Variants in BCL11A observed in about 807,000 individuals in gnomAD.
BCL11A encodes the protein BCL11 transcription factor A, also known as B cell CLL/lymphoma 11A.
A neutral mutation model predicts 55.9 loss-of-function variants in BCL11A; 2 were observed. The ratio of observed to expected loss-of-function variants is 0.04; its 90% CI spans 0.01 to 0.11. The LOEUF is 0.11. Among genes scored for constraint, BCL11A ranks in the 10% least tolerant of loss-of-function variants. BCL11A has a pLI of 1.00. For missense variants in BCL11A, 817 were observed against 1,137.1 expected (o/e 0.72, Z 4.05); for synonymous variants, 465 against 473.4 (o/e 0.98, Z 0.23).
chr2:60,451,798 T>C (rs1052331644), exon 5 of BCL11A: 1 of 230,064 alleles, frequency 4.3e-6, no homozygotes, highest in Non-Finnish European at 8.6e-6. Flanking sequence ...ACCAAAAGCA[T>C]ATATTTGAAA....
At position 60,468,782 on chromosome 2, in the gene BCL11A, G is replaced by A; in HGVS notation, c.437C>T (p.Ala146Val). Reference protein sequence around the residue: ...GLSSPRSAHGALIPTPGMSAE... With the variant: ...GLSSPRSAHGVLIPTPGMSAE... ...ACTCATCCCAGGCGTGGGGATTAGA[G>A]CTCCATGTGCAGAACGAGGGGAGGA... The change falls in exon 3 of 4, where the codon GCT becomes GTT. Residue 146 changes from alanine to valine, a missense_variant. Ala to Val is a moderately conservative substitution (Grantham distance 64). This residue lies in a region of BCL11A where 363 missense variants were observed against 486.6 expected (regional missense o/e 0.75). Transcript: ENST00000642384. The A allele has an allele frequency of 1.9e-6, 3 of 1,607,904 alleles. No individual in the cohort carries two copies. Among genetic ancestry groups the A allele is most frequent in the Non-Finnish European group, 2.5e-6 (3 of 1,178,534 alleles).
At chr2:60,552,523 T>G (rs1475947984) in intron 1 of BCL11A, among the ~76,000 whole-genome samples, 1 of 152,156 alleles carries the variant, frequency 6.6e-6, no homozygotes, top group Admixed American at 6.5e-5. Context: ...AAGGCGGCAG[T>G]GCCGGCCGCG....
At chr2:60,530,544 C>T (rs1669403383) in intron 2 of BCL11A, among the ~76,000 whole-genome samples, 1 of 151,540 alleles carries the variant, frequency 6.6e-6, no homozygotes, top group Admixed American at 6.6e-5. Context: ...CATATGTAGC[C>T]AAAAGACTGG....
chr2:60,451,729 C>G (rs1675730399), exon 5 of BCL11A: 1 of 230,270 alleles, frequency 4.3e-6, no homozygotes, highest in Admixed American at 5.7e-5. Flanking sequence ...TACCGCTCGC[C>G]CAGTGATGTT....
intron 2 of BCL11A, chr2:60,544,163 G>A (rs946660017): frequency 1.3e-5 from 2 of 152,162 alleles, no homozygotes; most frequent in Non-Finnish European, 1.5e-5. Context: ...TTTAATTCTT[G>A]CTTGACAGAC....
At chr2:60,540,203 A>G (rs536276379) in intron 2 of BCL11A, among the ~76,000 whole-genome samples, 2 of 152,192 alleles carry the variant, frequency 1.3e-5, no homozygotes, top group African/African-American at 4.8e-5. Flanking sequence ...CTGAACAAGC[A>G]GAAAGGTACT....
intron 2 of BCL11A, among the ~76,000 whole-genome samples, chr2:60,514,647 G>C (rs1334176093): frequency 6.7e-6 from 1 of 150,262 alleles, no homozygotes; most frequent in Non-Finnish European, 1.5e-5. Flanking sequence ...CAGCCTGGGC[G>C]ACAGAGCGAG....
At chr2:60,481,365 C>T (rs1008468425) in intron 2 of BCL11A, among the ~76,000 whole-genome samples, 2 of 151,152 alleles carry the variant, frequency 1.3e-5, no homozygotes, top group African/African-American at 4.9e-5. Flanking sequence ...ATTCAGAACC[C>T]AGGGCCTTCT....
chr2:60,460,039 GCTGT>G lies in BCL11A; in HGVS notation c.*361_*364del, dbSNP rs1336447299. 19 of 1,084,340 alleles carry G rather than the reference GCTGT, an allele frequency of 1.8e-5. No individual in the cohort carries two copies. In the Admixed American group the frequency reaches 2.5e-4, roughly 14 times the overall value. 67.2% of individuals were successfully genotyped at this position (1,084,340 alleles called of 1,614,324 possible). On this transcript the variant is annotated 3_prime_UTR_variant, in exon 4 of 4. Coordinates refer to ENST00000642384, the MANE Select transcript of BCL11A (RefSeq NM_022893.4). ...AAAATAGCCATAACATACCATACAT[GCTGT>G]CTAAGTTTAAAAAAAAACATACACA...
intron 2 of BCL11A, among the ~76,000 whole-genome samples, chr2:60,485,398 G>A (rs1268809321): frequency 6.6e-6 from 1 of 152,242 alleles, no homozygotes; most frequent in African/African-American, 2.4e-5. Flanking sequence ...CCATGTTGCT[G>A]TCATCTTCGT....
chr2:60,487,492 T>C (rs1010071777), intron 2 of BCL11A, among the ~76,000 whole-genome samples: 2 of 152,116 alleles, frequency 1.3e-5, no homozygotes, highest in Admixed American at 1.3e-4. Flanking sequence ...CTATAAATAA[T>C]AGAACATACT....
intron 2 of BCL11A, chr2:60,526,645 G>A (rs571022971): frequency 5.9e-5 from 9 of 152,138 alleles, no homozygotes; most frequent in Non-Finnish European, 1.2e-4. Context: ...GCCTCCTCTC[G>A]GATTATGAAA....
intron 3 of BCL11A, among the ~76,000 whole-genome samples, chr2:60,464,184 AG>A (rs1676474010): frequency 6.6e-6 from 1 of 152,222 alleles, no homozygotes; most frequent in Non-Finnish European, 1.5e-5. Flanking sequence ...CTCTTAAACA[AG>A]ATTAGATGGT....
chr2:60,457,648 T>C lies in BCL11A; in HGVS notation c.*2756A>G. ...TAAAGCACCATTTAGTTTTTGGCAA[T>C]GAAAAAAACTGCAAAACATTGGTTT... On this transcript the variant is annotated 3_prime_UTR_variant, in exon 4 of 4. Transcript: ENST00000642384. 1 of 1,039,980 alleles carries C rather than the reference T, an allele frequency of 9.6e-7. No individual in the cohort carries two copies. Among genetic ancestry groups the C allele is most frequent in the Non-Finnish European group, 1.2e-6 (1 of 863,614 alleles). 64.4% of individuals were successfully genotyped at this position (1,039,980 alleles called of 1,614,324 possible). A position where few individuals can be genotyped will look rare whatever the true frequency, so the allele number is the denominator to read the frequency against.
At chr2:60,510,346 G>T (rs1236016574) in intron 2 of BCL11A, among the ~76,000 whole-genome samples, 2 of 152,030 alleles carry the variant, frequency 1.3e-5, no homozygotes, top group Non-Finnish European at 2.9e-5. Flanking sequence ...CAGTAGCCAG[G>T]CGTATTACAC....
At chr2:60,522,496 A>G (rs1356731661) in intron 2 of BCL11A, 1 of 149,584 alleles carries the variant, frequency 6.7e-6, no homozygotes, top group African/African-American at 2.6e-5. Context: ...GAGGTTCAAG[A>G]CTGAAGCTGC....
At chr2:60,511,204 T>G (rs965163770) in intron 2 of BCL11A, among the ~76,000 whole-genome samples, 2 of 152,218 alleles carry the variant, frequency 1.3e-5, no homozygotes, top group African/African-American at 2.4e-5. Flanking sequence ...GCAGGGGCAC[T>G]GGGGAGGGCA....
intron 2 of BCL11A, among the ~76,000 whole-genome samples, chr2:60,523,698 C>T (rs1269263342): frequency 1.3e-5 from 2 of 151,130 alleles, no homozygotes; most frequent in Non-Finnish European, 2.9e-5. Flanking sequence ...ATAGGTGTAC[C>T]ACACAAGACT....
downstream of BCL11A, among the ~76,000 whole-genome samples, chr2:60,454,519 A>T (rs1203951160): frequency 6.6e-6 from 1 of 152,146 alleles, no homozygotes; most frequent in Non-Finnish European, 1.5e-5. Context: ...CCCAGGGACA[A>T]TGGAGTAACA....
Sources: allele counts gnomAD v4.1 joint callset (sites outside exome capture counted in the v4.1 genomes callset), GRCh38; gene constraint gnomAD v4.1.1; regional missense constraint gnomAD v4.1.1; transcripts MANE v1.5; gene names NCBI Gene and HGNC (gene_info 2026-07-23, HGNC 2026-07-21).